CUBN: variants seen among roughly 807,000 people sequenced by gnomAD.
CUBN encodes 460 kDa receptor.
A neutral mutation model predicts 405.3 loss-of-function variants in CUBN; 282 were observed. That is an observed-to-expected ratio of 0.70 (90% CI 0.63 to 0.77). CUBN has a LOEUF of 0.77. Ranked by LOEUF, CUBN falls within the 30% of genes least tolerant of loss-of-function variation. The probability of loss-of-function intolerance (pLI) is 0.00; values close to 1 mark genes in which losing one functional copy is unlikely to be tolerated. For missense variants in CUBN, 4,514 were observed against 4,475.2 expected (o/e 1.01, Z -0.25); for synonymous variants, 1,684 against 1,617.0 (o/e 1.04, Z -0.99).
At chr10:17,105,688 G>T in intron 10 of CUBN, 113 bp from the exon 11 acceptor site, 1 of 702,184 alleles carries the variant, frequency 1.4e-6, no homozygotes. Flanking sequence ...TCCAGTCTGT[G>T]TATTTTGACG....
intron 27 of CUBN, among the ~76,000 whole-genome samples, chr10:17,036,570 C>T (rs2356731): frequency 0.021 from 3,140 of 152,074 alleles, 106 homozygotes; most frequent in African/African-American, 0.071. Flanking sequence ...ACCAAGAGTG[C>T]GAGCCCAGAC....
chr10:17,109,557 G>C, intron 10 of CUBN, 83 bp downstream of exon 10: 15 of 1,126,262 alleles, frequency 1.3e-5, no homozygotes, highest in Non-Finnish European at 1.9e-5. Context: ...TTTGAGAACA[G>C]AGGATTTTGT....
At chr10:17,074,895 G>A (rs1835819788) in intron 17 of CUBN, among the ~76,000 whole-genome samples, 1 of 151,996 alleles carries the variant, frequency 6.6e-6, no homozygotes, top group African/African-American at 2.4e-5. Flanking sequence ...TAATCAAGGA[G>A]TGATATTAAA....
At chr10:16,984,346 C>A (rs1214587346) in intron 29 of CUBN, 67 bp from the exon 30 acceptor site, 62 of 1,448,358 alleles carry the variant, frequency 4.3e-5, no homozygotes, top group Non-Finnish European at 5.7e-5. Context: ...CTTGCTCTGG[C>A]TCATTTTGAC....
rs373783472 is a variant in CUBN, at chr10:16,984,067, G to T, written c.4525+38C>A. 10 of 1,608,886 alleles carry T rather than the reference G, an allele frequency of 6.2e-6. No homozygotes were observed. In the African/African-American group the frequency reaches 1.2e-4, roughly 19 times the overall value. On this transcript the variant is annotated intron_variant, in intron 30 of 66. Transcript: ENST00000377833. ...ATTTCATGAAATTTAACGAGGGCTC[G>T]GCTTAAGTACTTTAGGAAACCTCCT...
chr10:16,918,767 T>C lies in CUBN; in HGVS notation c.6855A>G (p.Gly2285=), dbSNP rs1841958796. ...CTSNYLELRD[G]VDSDAPILSK... ...AAAGTATTGGTGCATCCGAATCCAC[T>C]CCATCCCGCAACTCAAGGTAGTTGG... is the stretch of plus-strand genomic sequence containing the variant. Residue 2285 remains glycine (G), a synonymous_variant, in exon 45 of 67, where the codon GGA becomes GGG. Coordinates refer to ENST00000377833, the MANE Select transcript of CUBN (RefSeq NM_001081.4). 6.2e-7 allele frequency: 1 copy of C among 1,613,756 alleles called. No individual in the cohort carries two copies. The highest frequency in any genetic ancestry group is 1.3e-5 in the African/African-American group (1 of 74,880).
At chr10:16,959,900 G>A (rs1456386455) in intron 31 of CUBN, among the ~76,000 whole-genome samples, 1 of 152,158 alleles carries the variant, frequency 6.6e-6, no homozygotes, top group Non-Finnish European at 1.5e-5. Context: ...CTAGGCCTCA[G>A]CATTGATTTT....
intron 39 of CUBN, among the ~76,000 whole-genome samples, chr10:16,936,358 T>C (rs1842503540): frequency 6.6e-6 from 1 of 152,236 alleles, no homozygotes; most frequent in African/African-American, 2.4e-5. Flanking sequence ...TCTTTGCTCT[T>C]AGATAGACAG....
intron 10 of CUBN, among the ~76,000 whole-genome samples, chr10:17,107,559 G>A (rs1379215856): frequency 1.3e-5 from 2 of 148,374 alleles, no homozygotes; most frequent in Non-Finnish European, 3.0e-5. Flanking sequence ...GTGCAGTGGT[G>A]CGATCTCAGC....
chr10:16,961,623 T>C (rs1707287), intron 31 of CUBN, among the ~76,000 whole-genome samples: 130,914 of 151,910 alleles, frequency 0.86, 57,327 homozygotes, highest in Non-Finnish European at 0.96. Flanking sequence ...CACCTTTGTC[T>C]TATAAATAAG....
chr10:16,947,302 G>T lies in CUBN; in HGVS notation c.5275C>A (p.Pro1759Thr). The T allele has an allele frequency of 6.2e-7, 1 of 1,614,028 alleles. No homozygotes were observed. Among genetic ancestry groups the T allele is most frequent in the African/African-American group, 1.3e-5 (1 of 75,050 alleles). ...TTCCAGACACATTCCACATTAGGGG[G>T]ATAAATGTCTGGGTAGCCAGGGCTG... ...FNSPGYPDIY[P>T]PNVECVWNIV... Residue 1759 changes from proline to threonine, a missense_variant, in exon 36 of 67, where the codon CCC becomes ACC. This residue lies in a region of CUBN where 1,613 missense variants were observed against 1,542.8 expected (regional missense o/e 1.05). Transcript: ENST00000377833.
At chr10:16,904,163 A>T in intron 50 of CUBN, 48 bp from the exon 51 acceptor site, 2 of 1,556,952 alleles carry the variant, frequency 1.3e-6, no homozygotes, top group South Asian at 1.1e-5. Flanking sequence ...AGCTTTTGAG[A>T]AATACATTCA....
intron 31 of CUBN, among the ~76,000 whole-genome samples, chr10:16,962,584 G>A (rs1489941097): frequency 6.6e-6 from 1 of 152,164 alleles, no homozygotes; most frequent in Admixed American, 6.5e-5. Context: ...GAATACAATG[G>A]AAGTGATAGT....
chr10:16,837,604 T>C (rs1839211579), intron 62 of CUBN, among the ~76,000 whole-genome samples: 1 of 152,068 alleles, frequency 6.6e-6, no homozygotes, highest in Non-Finnish European at 1.5e-5. Flanking sequence ...CTTAGGGCCT[T>C]CTATCTCTGC....
At chr10:17,024,246 T>G (rs1216700070) in intron 27 of CUBN, among the ~76,000 whole-genome samples, 1 of 152,108 alleles carries the variant, frequency 6.6e-6, no homozygotes, top group South Asian at 2.1e-4. Context: ...GAGATCCAAT[T>G]TTTTTGTAAG....
At chr10:16,918,303 A>G (rs1218862402) in intron 45 of CUBN, among the ~76,000 whole-genome samples, 3 of 152,104 alleles carry the variant, frequency 2.0e-5, no homozygotes, top group Non-Finnish European at 2.9e-5. Flanking sequence ...ATGAGTTTTA[A>G]AATAGTTTTT....
chr10:16,895,546 A>G (rs908039111), intron 54 of CUBN, among the ~76,000 whole-genome samples: 5 of 152,110 alleles, frequency 3.3e-5, no homozygotes, highest in Non-Finnish European at 7.4e-5. Flanking sequence ...TCTATCAGTT[A>G]TTGCTTTATG....
At chr10:17,044,065 G>A (rs1309757965) in intron 25 of CUBN, 82 bp from the exon 26 acceptor site, 9 of 757,250 alleles carry the variant, frequency 1.2e-5, no homozygotes, top group Middle Eastern at 3.3e-4. Flanking sequence ...AAGTGAGGAA[G>A]AAAAAATATA....
At chr10:17,003,957 A>G (rs1193314394) in intron 28 of CUBN, among the ~76,000 whole-genome samples, 6 of 152,202 alleles carry the variant, frequency 3.9e-5, no homozygotes, top group Admixed American at 3.9e-4. Context: ...TACTACGTTA[A>G]GTTCACACTA....
Sources: allele counts gnomAD v4.1 joint callset (sites outside exome capture counted in the v4.1 genomes callset), GRCh38; gene constraint gnomAD v4.1.1; regional missense constraint gnomAD v4.1.1; transcripts MANE v1.5; gene names NCBI Gene and HGNC (gene_info 2026-07-23, HGNC 2026-07-21).